KIF5B: variants seen among roughly 807,000 people sequenced by gnomAD.
The protein encoded by KIF5B is kinesin family member 5B.
A neutral mutation model predicts 132.8 loss-of-function variants in KIF5B; 49 were observed. The observed-to-expected ratio is 0.37, with a 90% confidence interval of 0.29 to 0.47. The LOEUF is 0.47. Among genes scored for constraint, KIF5B ranks in the 20% least tolerant of loss-of-function variants. KIF5B has a pLI of 1.00. For synonymous variants in KIF5B, 355 were observed against 369.4 expected, an observed-to-expected ratio of 0.96 and a Z score of 0.45; for missense variants, 780 against 1,144.0, an observed-to-expected ratio of 0.68 and a Z score of 4.59.
At chr10:32,021,408 C>T in intron 17 of KIF5B, 121 bp from the exon 18 acceptor site, 1 of 672,272 alleles carries the variant, frequency 1.5e-6, no homozygotes, top group Non-Finnish European at 2.6e-6. Context: ...TTCAAATTAC[C>T]CAAATGTCAC....
intron 2 of KIF5B, among the ~76,000 whole-genome samples, chr10:32,046,057 TC>T (rs34447275): frequency 6.6e-6 from 1 of 152,124 alleles, no homozygotes; most frequent in East Asian, 1.9e-4. Flanking sequence ...ACTTACTAGA[TC>T]CCCAGTATAA....
intron 15 of KIF5B, among the ~76,000 whole-genome samples, chr10:32,025,306 C>T (rs1430195849): frequency 1.3e-5 from 2 of 152,172 alleles, no homozygotes; most frequent in Admixed American, 6.5e-5. Context: ...TAACGTACAA[C>T]CTAGCACTTC....
Position 32,018,148 on chromosome 10 carries a change from C to A in KIF5B, c.2448G>T (p.Glu816Asp). 1 of 1,593,352 alleles carries A rather than the reference C, an allele frequency of 6.3e-7. No homozygotes were observed. Among genetic ancestry groups the A allele is most frequent in the Non-Finnish European group, 8.5e-7 (1 of 1,171,336 alleles). Reference sequence around the variant, plus strand: ...TGCCTCCGGTGTCATCAGAATCAATCTCAGCACTCTGAGAAAAGAAGGTAA... The same window carrying A: ...TGCCTCCGGTGTCATCAGAATCAATATCAGCACTCTGAGAAAAGAAGGTAA... ...DLATRVKKSAEIDSDDTGGSA... is the reference protein window; with the variant it reads ...DLATRVKKSADIDSDDTGGSA... Residue 816 changes from glutamate (E) to aspartate (D), a missense_variant, in exon 23 of 26, where the codon GAG becomes GAT. By Grantham distance (45) the Glu-to-Asp change is conservative. Around this residue, in one of 9 missense-constraint regions of KIF5B, gnomAD observed 471 missense variants for 569.9 expected, o/e 0.83. Transcript: ENST00000302418.
At chr10:32,044,944 TGAA>T (rs1841590463) in intron 2 of KIF5B, among the ~76,000 whole-genome samples, 1 of 152,104 alleles carries the variant, frequency 6.6e-6, no homozygotes, top group Admixed American at 6.5e-5. Context: ...TAAAGCAGGA[TGAA>T]GAAGGGACTG....
In KIF5B at chr10:32,055,983, A is replaced by ACATCACTTTGATGTTGCACTCG; in HGVS notation, c.-11_-10insCGAGTGCAACATCAAAGTGATG. 1 of 1,601,636 alleles carries ACATCACTTTGATGTTGCACTCG rather than the reference A, an allele frequency of 6.2e-7. No individual in the cohort carries two copies. ...CGGCCAGGTCCGCCATCTTTCTCGC[A>ACATCACTTTGATGTTGCACTCG]GCCGGGGCCGGCGGCCGGGAGCCAC... On this transcript the variant is annotated 5_prime_UTR_variant, in exon 1 of 26. It adds an upstream start codon to the 5' untranslated region. Coordinates refer to ENST00000302418, the MANE Select transcript of KIF5B (RefSeq NM_004521.3).
rs539411794 is a variant in KIF5B, at chr10:32,053,977, T to C, written c.126+1871A>G. 1.2e-4 allele frequency among the ~76,000 whole-genome samples: 19 copies of C among 152,344 alleles called. No homozygotes were observed. The South Asian group carries it at 3.7e-3, about 30-fold the overall frequency. On this transcript the variant is annotated intron_variant, in intron 1 of 25. Coordinates refer to ENST00000302418, the MANE Select transcript of KIF5B (RefSeq NM_004521.3). ...TCATTTTCCTTTAGTTCTTTCTTCA[T>C]AGTTCATGTCGTATTTGTGCCTCAT...
intron 9 of KIF5B, 42 bp downstream of exon 9, chr10:32,035,848 G>A: frequency 6.9e-7 from 1 of 1,454,958 alleles, no homozygotes; most frequent in South Asian, 1.2e-5. Context: ...TTTAAATAAT[G>A]CCCCATAAGG....
At chr10:32,018,621 A>C in intron 20 of KIF5B, 59 bp from the exon 21 acceptor site, 1 of 1,231,752 alleles carries the variant, frequency 8.1e-7, no homozygotes, top group Non-Finnish European at 1.2e-6. Context: ...TGTACTTAGC[A>C]TGAGAGTTGA....
intron 24 of KIF5B, among the ~76,000 whole-genome samples, chr10:32,016,397 A>T (rs1841164258): frequency 1.3e-5 from 2 of 151,842 alleles, no homozygotes. Context: ...CAGAGGTTGC[A>T]GTGAGCCGAG....
intron 25 of KIF5B, among the ~76,000 whole-genome samples, chr10:32,014,704 G>C (rs1295268808): frequency 6.6e-6 from 1 of 152,034 alleles, no homozygotes; most frequent in Non-Finnish European, 1.5e-5. Context: ...TAAGCAATTT[G>C]GTGCAGTCTT....
At chr10:32,024,146 CTTTTTTTTTTTTTTT>C (rs769483155) in intron 15 of KIF5B, among the ~76,000 whole-genome samples, 2 of 69,744 alleles carry the variant, frequency 2.9e-5, no homozygotes, top group East Asian at 5.4e-4. Flanking sequence ...ATGAAGAACT[CTTTTTTTTTTTTTTT>C]TTTTTTTTTT....
chr10:32,042,546 C>G (rs140720516), intron 2 of KIF5B, among the ~76,000 whole-genome samples: 1 of 152,190 alleles, frequency 6.6e-6, no homozygotes, highest in Admixed American at 6.5e-5. Flanking sequence ...ACTAGCCTGT[C>G]AACTCAAAGT....
In KIF5B at chr10:32,009,260, C is replaced by T. The variant is rs567514523; in HGVS notation, c.*2277G>A. The stretch of plus-strand genomic sequence containing the variant: ...AAGTTAGGCAAATAATTTAATTAAT[C>T]GCCATGAATAAATATTCTCTTTATT... On this transcript the variant is annotated 3_prime_UTR_variant, in exon 26 of 26. Transcript: ENST00000302418. The T allele has an allele frequency of 2.0e-4, 31 of 152,246 alleles. No individual in the cohort carries two copies. The highest frequency in any genetic ancestry group is 6.5e-4 in the African/African-American group (27 of 41,526). 9.4% of individuals were successfully genotyped at this position (152,246 alleles called of 1,614,324 possible). A position where few individuals can be genotyped will look rare whatever the true frequency, so the allele number is the denominator to read the frequency against.
At chr10:32,045,017 A>G (rs975618067) in intron 2 of KIF5B, among the ~76,000 whole-genome samples, 1 of 152,230 alleles carries the variant, frequency 6.6e-6, no homozygotes, top group African/African-American at 2.4e-5. Context: ...AGAACTGCAA[A>G]TAGTAATAAA....
chr10:32,028,347 G>T, intron 15 of KIF5B, 81 bp downstream of exon 15: 1 of 1,125,676 alleles, frequency 8.9e-7, no homozygotes, highest in Non-Finnish European at 1.3e-6. Flanking sequence ...AATACGAAAA[G>T]AACTTTACAA....
chr10:32,018,528 C>T lies in KIF5B; in HGVS notation c.2341G>A (p.Asp781Asn). The change falls in exon 21 of 26, where the codon GAC becomes AAC. Residue 781 changes from aspartate to asparagine, a missense_variant. Physicochemically the swap from Asp to Asn is conservative, Grantham distance 23. Transcript: ENST00000302418. ...ACTGTCTCTTCCAAACCCTTCAAGT[C>T]TTGTCTTGCTTGTTCTCGTCTATCT... ...MQDRREQARQ[D>N]LKGLEETVAK... is the part of the protein sequence containing the mutation. 1.2e-6 allele frequency: 2 copies of T among 1,613,450 alleles called. No individual in the cohort carries two copies. The highest frequency in any genetic ancestry group is 1.7e-6 in the Non-Finnish European group (2 of 1,179,626).
intron 1 of KIF5B, among the ~76,000 whole-genome samples, chr10:32,053,195 A>T (rs1310230103): frequency 6.6e-6 from 1 of 152,198 alleles, no homozygotes; most frequent in Non-Finnish European, 1.5e-5. Flanking sequence ...CAAACCGAGA[A>T]GATTTTACCC....
intron 12 of KIF5B, among the ~76,000 whole-genome samples, chr10:32,033,484 G>C (rs1174275150): frequency 6.6e-6 from 1 of 152,166 alleles, no homozygotes; most frequent in Non-Finnish European, 1.5e-5. Context: ...TCTAATGCCT[G>C]ATAATCCAAG....
chr10:32,044,304 T>G (rs192672078), intron 2 of KIF5B, among the ~76,000 whole-genome samples: 5 of 152,306 alleles, frequency 3.3e-5, no homozygotes, highest in Admixed American at 2.6e-4. Context: ...TTTTGTACAG[T>G]AGAAATAGCT....
Sources: gnomAD v4.1 joint callset for allele counts (sites outside exome capture counted in the v4.1 genomes callset) on GRCh38, gnomAD v4.1.1 for gene constraint, gnomAD v4.1.1 regional missense constraint, MANE v1.5 for transcripts, NCBI Gene and HGNC (gene_info 2026-07-23, HGNC 2026-07-21) for gene names.